CADM2: variants seen among roughly 807,000 people sequenced by gnomAD.
CADM2 encodes cell adhesion molecule 2.
A neutral mutation model predicts 49.8 loss-of-function variants in CADM2; 12 were observed. The ratio of observed to expected loss-of-function variants is 0.24; its 90% CI spans 0.15 to 0.39. CADM2 has a LOEUF of 0.39. CADM2 is among the 10% of genes least tolerant of loss of function. The pLI, the probability that CADM2 is intolerant of heterozygous loss-of-function variation, is 1.00. For missense variants in CADM2, 378 were observed against 492.3 expected, an observed-to-expected ratio of 0.77 and a Z score of 2.20; for synonymous variants, 214 against 175.4, an observed-to-expected ratio of 1.22 and a Z score of -1.74.
intron 2 of CADM2, among the ~76,000 whole-genome samples, chr3:85,760,536 A>G (rs2069325660): frequency 6.6e-6 from 1 of 152,166 alleles, no homozygotes; most frequent in South Asian, 2.1e-4. Flanking sequence ...ACATAGTTCT[A>G]GTATGGAACT....
chr3:85,533,736 G>A (rs2061369586), intron 1 of CADM2, among the ~76,000 whole-genome samples: 1 of 152,126 alleles, frequency 6.6e-6, no homozygotes, highest in Non-Finnish European at 1.5e-5. Context: ...TAGAATCAAG[G>A]GCCAGCTTAG....
intron 1 of CADM2, among the ~76,000 whole-genome samples, chr3:85,451,029 T>G (rs1460039990): frequency 6.6e-6 from 1 of 152,076 alleles, no homozygotes; most frequent in Non-Finnish European, 1.5e-5. Flanking sequence ...CTTTTCATCA[T>G]GTTTTCTCTG....
At chr3:85,290,831 A>G (rs1310464515) in intron 1 of CADM2, among the ~76,000 whole-genome samples, 1 of 152,184 alleles carries the variant, frequency 6.6e-6, no homozygotes, top group Non-Finnish European at 1.5e-5. Context: ...AACCACAAAG[A>G]TGGGGAAAAA....
intron 1 of CADM2, among the ~76,000 whole-genome samples, chr3:85,541,289 C>T (rs2061532415): frequency 6.6e-6 from 1 of 151,432 alleles, no homozygotes; most frequent in Non-Finnish European, 1.5e-5. Context: ...CATATACACA[C>T]ATGCATACAC....
chr3:85,195,050 G>C lies in CADM2; in HGVS notation c.61+235382G>C, dbSNP rs551670611. Among the ~76,000 whole-genome samples the C allele has an allele frequency of 5.9e-5, 9 of 152,084 alleles. No homozygotes were observed. The South Asian group carries it at 1.9e-3, about 32-fold the overall frequency. ...CCAATTAGTGGTCCTGACGAAACCT[G>C]AACTTTGAGAAGCAGTTTAAAATCT... On this transcript the variant is annotated intron_variant, in intron 1 of 9. Coordinates refer to ENST00000383699, the MANE Select transcript of CADM2 (RefSeq NM_001167675.2).
At position 84,959,437 on chromosome 3, in the gene CADM2, G is replaced by A. The variant is rs912936380; in HGVS notation, c.-171G>A. The A allele has an allele frequency of 4.9e-6, 3 of 607,028 alleles. No individual in the cohort carries two copies. Among genetic ancestry groups the A allele is most frequent in the South Asian group, 4.0e-5 (2 of 50,118 alleles). The allele number at this position is 607,028 out of a possible 1,614,324, so 37.6% of individuals were successfully genotyped here. A position where few individuals can be genotyped will look rare whatever the true frequency, so the allele number is the denominator to read the frequency against. On this transcript the variant is annotated 5_prime_UTR_variant, in exon 1 of 10. Coordinates refer to ENST00000383699, the MANE Select transcript of CADM2 (RefSeq NM_001167675.2). ...ATTCTGCGGGTGCTTTGCCGCTGCC[G>A]CTTCTGCTGCCGCCGATCCGAGTCC...
chr3:85,442,672 C>G (rs2037267275), intron 1 of CADM2, among the ~76,000 whole-genome samples: 1 of 140,736 alleles, frequency 7.1e-6, no homozygotes, highest in South Asian at 2.2e-4. Context: ...TTTCAGAGTT[C>G]AGGGATTGAA....
At chr3:85,219,604 T>A (rs780703110) in intron 1 of CADM2, among the ~76,000 whole-genome samples, 1 of 152,200 alleles carries the variant, frequency 6.6e-6, no homozygotes, top group African/African-American at 2.4e-5. Flanking sequence ...TTCCCTGTTA[T>A]GCCACTGTGA....
chr3:85,090,924 G>T (rs2037571832), intron 1 of CADM2, among the ~76,000 whole-genome samples: 3 of 152,142 alleles, frequency 2.0e-5, no homozygotes, highest in South Asian at 2.1e-4. Flanking sequence ...CCACGAAACT[G>T]GTTCGTGGTA....
At chr3:85,583,879 A>C (rs2062862860) in intron 1 of CADM2, among the ~76,000 whole-genome samples, 2 of 152,032 alleles carry the variant, frequency 1.3e-5, no homozygotes, top group Admixed American at 1.3e-4. Flanking sequence ...AAATATTGCA[A>C]TTTTGAAATA....
intron 7 of CADM2, among the ~76,000 whole-genome samples, chr3:85,939,991 C>A: frequency 7.2e-6 from 1 of 139,700 alleles, no homozygotes; most frequent in South Asian, 2.3e-4. Context: ...ATGTATTTTT[C>A]TATTAGGATA....
chr3:85,441,427 A>G (rs186566738), intron 1 of CADM2, among the ~76,000 whole-genome samples: 1 of 152,214 alleles, frequency 6.6e-6, no homozygotes, highest in African/African-American at 2.4e-5. Flanking sequence ...CGGCAAAATT[A>G]ACATCCATGA....
Position 85,027,109 on chromosome 3 carries a change from C to CTTTTTTTTTTTTTTTTTTTT in CADM2, c.61+67445_61+67464dup, listed in dbSNP as rs1160735135. ...TGGTTGTTGTTGCTTTTTCTTTTTC[C>CTTTTTTTTTTTTTTTTTTTT]TTTTTTTTTTTTTTTTTTTTTTTAA... is the stretch of plus-strand genomic sequence containing the variant. On this transcript the variant is annotated intron_variant, in intron 1 of 9. Coordinates refer to ENST00000383699, the MANE Select transcript of CADM2 (RefSeq NM_001167675.2). 3.8e-4 allele frequency among the ~76,000 whole-genome samples: 21 copies of CTTTTTTTTTTTTTTTTTTTT among 55,690 alleles called. 6 individuals carry two copies. Among genetic ancestry groups the CTTTTTTTTTTTTTTTTTTTT allele is most frequent in the African/African-American group, 1.3e-3 (13 of 10,260 alleles). The allele number at this position is 55,690 out of a possible 152,430, so 36.5% of individuals were successfully genotyped here.
At chr3:85,306,153 C>T (rs973613866) in intron 1 of CADM2, among the ~76,000 whole-genome samples, 3 of 151,690 alleles carry the variant, frequency 2.0e-5, no homozygotes, top group Middle Eastern at 3.4e-3. Context: ...GCATCTAAGG[C>T]GGTTCAGTCA....
At chr3:84,982,740 T>TG (rs2032278706) in intron 1 of CADM2, among the ~76,000 whole-genome samples, 2 of 136,738 alleles carry the variant, frequency 1.5e-5, no homozygotes, top group South Asian at 2.3e-4. Flanking sequence ...TATATACATT[T>TG]TTTGTTTTTT....
At chr3:85,635,914 A>G (rs1448710020) in intron 1 of CADM2, among the ~76,000 whole-genome samples, 1 of 152,200 alleles carries the variant, frequency 6.6e-6, no homozygotes, top group Non-Finnish European at 1.5e-5. Flanking sequence ...TGCAGCCGTC[A>G]TAACATTGTC....
intron 1 of CADM2, among the ~76,000 whole-genome samples, chr3:85,010,841 C>T (rs1178137156): frequency 1.8e-4 from 15 of 81,664 alleles, no homozygotes; most frequent in African/African-American, 7.5e-4. Context: ...CCAAATCACT[C>T]TGTTTATGTC....
chr3:85,911,643 A>T (rs941875890), intron 5 of CADM2, among the ~76,000 whole-genome samples: 1 of 152,196 alleles, frequency 6.6e-6, no homozygotes, highest in Non-Finnish European at 1.5e-5. Flanking sequence ...TTGTATTTCA[A>T]ATGCATTGTG....
At chr3:85,791,449 T>C (rs1406506644) in intron 2 of CADM2, among the ~76,000 whole-genome samples, 2 of 150,996 alleles carry the variant, frequency 1.3e-5, no homozygotes, top group African/African-American at 4.9e-5. Context: ...TTGAACTTTC[T>C]AAGACACAGG....
Sources: allele counts gnomAD v4.1 joint callset (sites outside exome capture counted in the v4.1 genomes callset), GRCh38; gene constraint gnomAD v4.1.1; transcripts MANE v1.5; gene names NCBI Gene and HGNC (gene_info 2026-07-23, HGNC 2026-07-21).